ANGPT1: variants seen among roughly 807,000 people sequenced by gnomAD.
ANGPT1 encodes the protein angiopoietin-1.
ANGPT1 carries 17 observed loss-of-function variants against 62.2 expected under a neutral mutation model. The ratio of observed to expected loss-of-function variants is 0.27; its 90% CI spans 0.19 to 0.41. The LOEUF is 0.41. Among genes scored for constraint, ANGPT1 ranks in the 10% least tolerant of loss-of-function variants. The pLI, the probability that ANGPT1 is intolerant of heterozygous loss-of-function variation, is 1.00. For synonymous variants in ANGPT1, 199 were observed against 198.9 expected, an observed-to-expected ratio of 1.00 and a Z score of 0.00; for missense variants, 478 against 594.9, an observed-to-expected ratio of 0.80 and a Z score of 2.04.
chr8:107,256,280 A>G (rs1181519139), intron 8 of ANGPT1, among the ~76,000 whole-genome samples: 1 of 152,168 alleles, frequency 6.6e-6, no homozygotes, highest in Non-Finnish European at 1.5e-5. Flanking sequence ...CTGTGTAGGC[A>G]AGGATTCTCT....
At chr8:107,384,414 G>A (rs907535945) in intron 1 of ANGPT1, among the ~76,000 whole-genome samples, 1 of 151,580 alleles carries the variant, frequency 6.6e-6, no homozygotes. Flanking sequence ...TAATCAGGAA[G>A]GATATTACAT....
intron 1 of ANGPT1, among the ~76,000 whole-genome samples, chr8:107,434,213 T>C (rs1003154952): frequency 6.6e-6 from 1 of 152,130 alleles, no homozygotes; most frequent in Non-Finnish European, 1.5e-5. Context: ...TTAGTAATGA[T>C]ACAGATGTGT....
At chr8:107,267,254 GACC>G (rs1473970166) in intron 7 of ANGPT1, among the ~76,000 whole-genome samples, 1 of 151,880 alleles carries the variant, frequency 6.6e-6, no homozygotes, top group Non-Finnish European at 1.5e-5. Context: ...ACAAATTTGT[GACC>G]ACTTTTTCAT....
chr8:107,389,121 A>G (rs946981305), intron 1 of ANGPT1, among the ~76,000 whole-genome samples: 1 of 152,126 alleles, frequency 6.6e-6, no homozygotes, highest in African/African-American at 2.4e-5. Context: ...CTAAAGCACA[A>G]ATGTAGTGAT....
chr8:107,343,197 G>A (rs1277898873), intron 2 of ANGPT1, among the ~76,000 whole-genome samples: 2 of 151,992 alleles, frequency 1.3e-5, no homozygotes, highest in African/African-American at 4.8e-5. Flanking sequence ...CATTTGTGAT[G>A]TCTGAAAAGA....
chr8:107,291,406 A>ACTGTG (rs1177356463), intron 6 of ANGPT1, among the ~76,000 whole-genome samples: 1 of 131,204 alleles, frequency 7.6e-6, no homozygotes, highest in East Asian at 2.3e-4. Context: ...GAAGACTATA[A>ACTGTG]TTGTGTTTTG....
intron 1 of ANGPT1, among the ~76,000 whole-genome samples, chr8:107,442,561 C>T (rs895834466): frequency 6.6e-6 from 1 of 152,120 alleles, no homozygotes; most frequent in Admixed American, 6.5e-5. Flanking sequence ...GTGTGGGTTG[C>T]TTCTCTTCTA....
At chr8:107,282,552 C>CAATATATA (rs1814036865) in intron 7 of ANGPT1, among the ~76,000 whole-genome samples, 2 of 25,884 alleles carry the variant, frequency 7.7e-5, no homozygotes, top group African/African-American at 1.3e-4. Context: ...CATATATGAA[C>CAATATATA]CATATATATA....
chr8:107,447,359 G>T (rs1811649361), intron 1 of ANGPT1, among the ~76,000 whole-genome samples: 1 of 152,192 alleles, frequency 6.6e-6, no homozygotes, highest in African/African-American at 2.4e-5. Flanking sequence ...CTATGGTACA[G>T]AATTATGCAC....
At chr8:107,334,009 G>GGAAGGAAA (rs1401682921) in intron 3 of ANGPT1, among the ~76,000 whole-genome samples, 2 of 146,922 alleles carry the variant, frequency 1.4e-5, no homozygotes, top group African/African-American at 5.0e-5. Flanking sequence ...AAGGAAGGAA[G>GGAAGGAAA]GAAGGAAGGA....
chr8:107,315,308 G>A (rs1231505178), intron 4 of ANGPT1, among the ~76,000 whole-genome samples: 1 of 152,146 alleles, frequency 6.6e-6, no homozygotes, highest in Non-Finnish European at 1.5e-5. Flanking sequence ...ATATAAACAT[G>A]TTCTTGTCTC....
chr8:107,375,930 C>T (rs1364150846), intron 1 of ANGPT1, among the ~76,000 whole-genome samples: 1 of 152,080 alleles, frequency 6.6e-6, no homozygotes, highest in African/African-American at 2.4e-5. Context: ...AGAATATGAC[C>T]CAATTGGATT....
At chr8:107,295,179 T>C (rs1055899458) in intron 5 of ANGPT1, 1 of 152,160 alleles carries the variant, frequency 6.6e-6, no homozygotes, top group African/African-American at 2.4e-5. Flanking sequence ...TGCCTACTTG[T>C]GGGCATATGA....
At chr8:107,380,930 A>G (rs1293817098) in intron 1 of ANGPT1, among the ~76,000 whole-genome samples, 3 of 152,234 alleles carry the variant, frequency 2.0e-5, no homozygotes, top group African/African-American at 7.2e-5. Context: ...TTGCATTTGC[A>G]AAGTAAAAGC....
intron 5 of ANGPT1, among the ~76,000 whole-genome samples, chr8:107,299,418 T>TAA (rs1350302898): frequency 3.1e-5 from 4 of 127,832 alleles, no homozygotes; most frequent in African/African-American, 1.1e-4. Context: ...TATATATATA[T>TAA]ATAAACATAC....
intron 1 of ANGPT1, among the ~76,000 whole-genome samples, chr8:107,447,424 T>G (rs1402101223): frequency 6.6e-6 from 1 of 152,178 alleles, no homozygotes; most frequent in Non-Finnish European, 1.5e-5. Context: ...AAACAGACTA[T>G]ACATCCCTGC....
intron 7 of ANGPT1, among the ~76,000 whole-genome samples, chr8:107,282,970 C>T (rs1421887433): frequency 6.6e-6 from 1 of 150,512 alleles, no homozygotes; most frequent in Admixed American, 6.7e-5. Context: ...TCCCGCAACA[C>T]CCTCCAAGCC....
chr8:107,346,477 T>C (rs1815805962), intron 2 of ANGPT1, among the ~76,000 whole-genome samples: 1 of 152,188 alleles, frequency 6.6e-6, no homozygotes. Context: ...GGTAGATATA[T>C]GTATATACAC....
intron 8 of ANGPT1, among the ~76,000 whole-genome samples, chr8:107,261,475 G>A (rs530660310): frequency 1.3e-5 from 2 of 152,160 alleles, no homozygotes; most frequent in African/African-American, 4.8e-5. Flanking sequence ...GGAGGCCGAG[G>A]CGGTCGGATC....
Sources: gnomAD v4.1 joint callset for allele counts (sites outside exome capture counted in the v4.1 genomes callset) on GRCh38, gnomAD v4.1.1 for gene constraint, MANE v1.5 for transcripts, NCBI Gene and HGNC (gene_info 2026-07-23, HGNC 2026-07-21) for gene names.